The following SORCS2 variants were observed in gnomAD, a reference collection of about 807,000 sequenced individuals.
SORCS2 encodes sortilin related VPS10 domain containing receptor 2.
Under a neutral mutation model 141.6 loss-of-function variants are expected in SORCS2, and 100 were observed. The ratio of observed to expected loss-of-function variants is 0.71; its 90% CI spans 0.60 to 0.83. The LOEUF (loss-of-function observed/expected upper bound fraction) is 0.83, where lower values mean the gene tolerates loss of function less well. Among genes scored for constraint, SORCS2 ranks in the 40% least tolerant of loss-of-function variants. The pLI is 0.00. For missense variants in SORCS2, 1,646 were observed against 1,560.2 expected, an observed-to-expected ratio of 1.05 and a Z score of -0.93; for synonymous variants, 789 against 676.9, an observed-to-expected ratio of 1.17 and a Z score of -2.57.
chr4:7,285,715 C>A (rs772683236), intron 1 of SORCS2, among the ~76,000 whole-genome samples: 2 of 152,224 alleles, frequency 1.3e-5, no homozygotes, highest in Non-Finnish European at 2.9e-5. Context: ...CGCTGGAGGA[C>A]CAGACCGCCA....
At chr4:7,690,606 A>T (rs114408136) in intron 11 of SORCS2, among the ~76,000 whole-genome samples, 2,057 of 151,594 alleles carry the variant, frequency 0.014, 48 homozygotes, top group African/African-American at 0.046. Flanking sequence ...GGGTGAGTGG[A>T]TGGATGGATG....
intron 18 of SORCS2, among the ~76,000 whole-genome samples, chr4:7,721,398 G>A (rs1313125163): frequency 2.6e-5 from 4 of 152,108 alleles, no homozygotes; most frequent in East Asian, 1.9e-4. Flanking sequence ...CCTGGGAGTC[G>A]GAGGTTGCAG....
intron 3 of SORCS2, among the ~76,000 whole-genome samples, chr4:7,614,999 A>G (rs1057393244): frequency 1.3e-5 from 2 of 151,478 alleles, no homozygotes; most frequent in Non-Finnish European, 2.9e-5. Flanking sequence ...TGCTCCACCC[A>G]TCTGTTCATC....
At chr4:7,405,331 A>G (rs1184659814) in intron 2 of SORCS2, among the ~76,000 whole-genome samples, 2 of 152,026 alleles carry the variant, frequency 1.3e-5, no homozygotes, top group South Asian at 2.1e-4. Flanking sequence ...TTCTTTTGCT[A>G]TGTGGGCTCT....
At chr4:7,531,289 G>A (rs78961043) in intron 2 of SORCS2, among the ~76,000 whole-genome samples, 2 of 152,194 alleles carry the variant, frequency 1.3e-5, no homozygotes, top group East Asian at 1.9e-4. Context: ...CCTGACTTTG[G>A]ATCCTAGCTC....
chr4:7,425,714 C>T (rs551708448), intron 2 of SORCS2, among the ~76,000 whole-genome samples: 12 of 152,192 alleles, frequency 7.9e-5, no homozygotes, highest in Non-Finnish European at 1.6e-4. Flanking sequence ...TGGTTTGGCC[C>T]GGCCCGCAGT....
chr4:7,274,646 C>T lies in SORCS2; in HGVS notation c.480+81520C>T, dbSNP rs536575134. Among the ~76,000 whole-genome samples the T allele has an allele frequency of 3.3e-5, 5 of 152,322 alleles. No homozygotes were observed. In the South Asian group the frequency reaches 1.0e-3, roughly 32 times the overall value. The stretch of plus-strand genomic sequence containing the variant: ...CTGTCCCCATGATCCAATCAGCTCC[C>T]ACCAGGCCCCACCTCCAACATTGGG... On this transcript the variant is annotated intron_variant, in intron 1 of 26. Coordinates refer to ENST00000507866, the MANE Select transcript of SORCS2 (RefSeq NM_020777.3).
At chr4:7,269,021 C>T (rs2108838307) in intron 1 of SORCS2, among the ~76,000 whole-genome samples, 1 of 152,276 alleles carries the variant, frequency 6.6e-6, no homozygotes, top group African/African-American at 2.4e-5. Context: ...TGGGCTGGGG[C>T]CTGGTGGTTG....
Position 7,703,380 on chromosome 4 carries a change from G to C in SORCS2, c.1760+9G>C. 6.2e-7 allele frequency: 1 copy of C among 1,610,434 alleles called. No homozygotes were observed. The highest frequency in any genetic ancestry group is 8.5e-7 in the Non-Finnish European group (1 of 1,178,290). ...CCTTTGAAGATCCTCAAGTAATGGC[G>C]TCTGCTAGCCCCGGGGCAGGGAGGG... is the stretch of plus-strand genomic sequence containing the variant. On this transcript the variant is annotated intron_variant, in intron 13 of 26. Transcript: ENST00000507866.
intron 14 of SORCS2, among the ~76,000 whole-genome samples, chr4:7,707,540 G>C (rs1377907199): frequency 6.6e-6 from 1 of 152,192 alleles, no homozygotes; most frequent in Non-Finnish European, 1.5e-5. Context: ...CTTCAATTCA[G>C]TCCCAGCCCA....
intron 1 of SORCS2, among the ~76,000 whole-genome samples, chr4:7,220,917 C>A (rs1201431998): frequency 5.3e-5 from 8 of 152,044 alleles, no homozygotes; most frequent in Admixed American, 2.6e-4. Flanking sequence ...TAAGCAGCAC[C>A]CACACAGGTT....
chr4:7,471,581 C>G (rs756037437), intron 2 of SORCS2, among the ~76,000 whole-genome samples: 1 of 152,238 alleles, frequency 6.6e-6, no homozygotes, highest in Admixed American at 6.5e-5. Flanking sequence ...GCCCCTACCC[C>G]GTTCTCGGTT....
At chr4:7,284,122 C>A (rs561007416) in intron 1 of SORCS2, among the ~76,000 whole-genome samples, 108 of 152,286 alleles carry the variant, frequency 7.1e-4, no homozygotes, top group African/African-American at 2.4e-3. Flanking sequence ...CTGTGAACAC[C>A]CACAGAGAAG....
At chr4:7,242,878 A>G (rs765529867) in intron 1 of SORCS2, among the ~76,000 whole-genome samples, 3 of 152,184 alleles carry the variant, frequency 2.0e-5, no homozygotes, top group Non-Finnish European at 4.4e-5. Context: ...ACCATTCCCA[A>G]GTTGCCGTCA....
At chr4:7,720,392 C>T (rs971955239) in intron 18 of SORCS2, among the ~76,000 whole-genome samples, 2 of 152,060 alleles carry the variant, frequency 1.3e-5, no homozygotes, top group Admixed American at 6.6e-5. Context: ...ATTTAAATGT[C>T]GCATGTAAAA....
intron 8 of SORCS2, among the ~76,000 whole-genome samples, chr4:7,667,816 C>G (rs1722589595): frequency 6.6e-6 from 1 of 152,226 alleles, no homozygotes; most frequent in Non-Finnish European, 1.5e-5. Context: ...GCCTTGGGGC[C>G]TCTCTCCACC....
In SORCS2 at chr4:7,436,834, T is replaced by C. The variant is rs904623840; in HGVS notation, c.548+40479T>C. ...TGCCCCGAACACTTCTGTGTATGTC[T>C]TGGATGCACACGTGTCTTCCCTTCT... is the stretch of plus-strand genomic sequence containing the variant. On this transcript the variant is annotated intron_variant, in intron 2 of 26. Coordinates refer to ENST00000507866, the MANE Select transcript of SORCS2 (RefSeq NM_020777.3). 5.9e-5 allele frequency among the ~76,000 whole-genome samples: 9 copies of C among 152,314 alleles called. No individual in the cohort carries two copies. In the East Asian group the frequency reaches 1.7e-3, roughly 29 times the overall value.
In SORCS2 at chr4:7,260,574, A is replaced by T. The variant is rs557490117; in HGVS notation, c.480+67448A>T. Among the ~76,000 whole-genome samples, 5 of 152,344 alleles carry T rather than the reference A, an allele frequency of 3.3e-5. No homozygotes were observed. In the East Asian group the frequency reaches 9.6e-4, roughly 29 times the overall value. The stretch of plus-strand genomic sequence containing the variant: ...GAACGGGAGCTGTGGTTACTACCCC[A>T]AATGATCATGGGCTGTGTTGGAGGT... On this transcript the variant is annotated intron_variant, in intron 1 of 26. Transcript: ENST00000507866.
chr4:7,457,392 G>A (rs572440461), intron 2 of SORCS2, among the ~76,000 whole-genome samples: 7 of 152,182 alleles, frequency 4.6e-5, no homozygotes, highest in Non-Finnish European at 8.8e-5. Flanking sequence ...CCAGGGAGCC[G>A]CGTGCCCCAG....
Sources: gnomAD v4.1 joint callset for allele counts (sites outside exome capture counted in the v4.1 genomes callset) on GRCh38, gnomAD v4.1.1 for gene constraint, MANE v1.5 for transcripts, NCBI Gene and HGNC (gene_info 2026-07-23, HGNC 2026-07-21) for gene names.